UGT1A7: variants seen among roughly 807,000 people sequenced by gnomAD.
UGT1A7 encodes UDP glucuronosyltransferase family 1 member A7.
UGT1A7 carries 33 observed loss-of-function variants against 45.6 expected under a neutral mutation model. The observed-to-expected ratio is 0.72, with a 90% CI of 0.55 to 0.97. The LOEUF (loss-of-function observed/expected upper bound fraction) is 0.97, where lower values mean the gene tolerates loss of function less well. UGT1A7 is among the 50% of genes least tolerant of loss of function. The probability of loss-of-function intolerance (pLI) is 0.00; values close to 1 mark genes in which losing one functional copy is unlikely to be tolerated. For synonymous variants in UGT1A7, 274 were observed against 250.6 expected (o/e 1.09, Z -0.88); for missense variants, 684 against 666.2 (o/e 1.03, Z -0.29).
rs542225006 is a variant in UGT1A7 at position 233,769,560 on chromosome 2, G to A, written c.1295+1121G>A. 3.2e-5 allele frequency: 51 copies of A among 1,612,868 alleles called. No individual in the cohort carries two copies. The African/African-American group carries it at 6.7e-4, about 21-fold the overall frequency. The stretch of plus-strand genomic sequence containing the variant: ...AAGCAGCAGTCAGGAAGACAGATGT[G>A]AAGAGCTGGAGCATGTTCAGATGAG... On this transcript the variant is annotated intron_variant, in intron 4 of 4. Transcript: ENST00000373426. The surrounding 1 kb of genome is among the most constrained non-coding windows in gnomAD (Gnocchi z 4.4).
chr2:233,729,474 G>A, intron 1 of UGT1A7: 1 of 1,614,210 alleles, frequency 6.2e-7, no homozygotes. Context: ...GTATGGCAAT[G>A]TTGAACAATA....
chr2:233,763,660 ACTC>A (rs2126005319), intron 1 of UGT1A7, among the ~76,000 whole-genome samples: 1 of 152,174 alleles, frequency 6.6e-6, no homozygotes, highest in South Asian at 2.1e-4. Context: ...TCTTGATAAA[ACTC>A]CTGAACTTTA....
intron 1 of UGT1A7, among the ~76,000 whole-genome samples, chr2:233,731,819 C>T (rs1478115630): frequency 1.3e-5 from 2 of 152,132 alleles, no homozygotes; most frequent in Non-Finnish European, 2.9e-5. Context: ...ATGGCTGTGT[C>T]AAATGGTATT....
At chr2:233,717,182 C>A (rs1378916239) in intron 1 of UGT1A7, among the ~76,000 whole-genome samples, 1 of 152,140 alleles carries the variant, frequency 6.6e-6, no homozygotes, top group Non-Finnish European at 1.5e-5. Context: ...GCAAGAGCAC[C>A]CTCCCAGGCA....
At chr2:233,732,080 C>A (rs1261829762) in intron 1 of UGT1A7, among the ~76,000 whole-genome samples, 1 of 152,166 alleles carries the variant, frequency 6.6e-6, no homozygotes, top group Non-Finnish European at 1.5e-5. Context: ...GCATAAATGT[C>A]TTCTTTTGAG....
rs35915271 is a variant in UGT1A7 at position 233,764,965 on chromosome 2, A to T, written c.856-2069A>T. On this transcript the variant is annotated intron_variant, in intron 1 of 4. Coordinates refer to ENST00000373426, the MANE Select transcript of UGT1A7 (RefSeq NM_019077.3). ...GCGGGGAGAGAGGGCTCACCTTGGG[A>T]GAAGGATGGTCAGTGTCTGGGGCTT... Among the ~76,000 whole-genome samples the T allele has an allele frequency of 1.4e-3, 217 of 150,630 alleles. 1 individual carries two copies. The highest frequency in any genetic ancestry group is 5.0e-3 in the African/African-American group (206 of 40,976).
At chr2:233,685,469 C>T (rs1221613108) in intron 1 of UGT1A7, among the ~76,000 whole-genome samples, 1 of 152,188 alleles carries the variant, frequency 6.6e-6, no homozygotes, top group Admixed American at 6.5e-5. Context: ...GCCAGTGCAG[C>T]TCTGGAGAAC....
At chr2:233,765,565 G>A (rs1156273508) in intron 1 of UGT1A7, among the ~76,000 whole-genome samples, 1 of 152,072 alleles carries the variant, frequency 6.6e-6, no homozygotes, top group Non-Finnish European at 1.5e-5. Context: ...GTGAGAATGC[G>A]TAGACGCAGG....
intron 1 of UGT1A7, among the ~76,000 whole-genome samples, chr2:233,732,141 T>G (rs532123817): frequency 9.3e-4 from 141 of 151,992 alleles, no homozygotes; most frequent in African/African-American, 3.3e-3. Flanking sequence ...TGTTTGTTTG[T>G]TTTTTTTCTT....
chr2:233,720,045 G>A (rs577020263), intron 1 of UGT1A7, among the ~76,000 whole-genome samples: 1 of 152,284 alleles, frequency 6.6e-6, no homozygotes, highest in Admixed American at 6.5e-5. Context: ...ATTTTCAGCT[G>A]AACGGTGATG....
intron 1 of UGT1A7, chr2:233,760,833 G>A (rs777115864): frequency 5.0e-6 from 8 of 1,613,598 alleles, no homozygotes; most frequent in Admixed American, 1.7e-5. Flanking sequence ...TGGAATTTGA[G>A]GCTACCCAGT....
intron 1 of UGT1A7, chr2:233,730,029 G>A: frequency 6.2e-7 from 1 of 1,613,388 alleles, no homozygotes. Context: ...CAATGTTCCA[G>A]GCAAAACACT....
At chr2:233,719,477 C>T in intron 1 of UGT1A7, 5 of 1,613,988 alleles carry the variant, frequency 3.1e-6, no homozygotes, top group East Asian at 4.5e-5. Flanking sequence ...ACCCTCTGGC[C>T]CTGTCCTACA....
chr2:233,697,998 T>C (rs2075420632), intron 1 of UGT1A7, among the ~76,000 whole-genome samples: 1 of 152,132 alleles, frequency 6.6e-6, no homozygotes, highest in South Asian at 2.1e-4. Flanking sequence ...AAGGAAAAAA[T>C]ATCATTTCTG....
At chr2:233,693,725 G>C in intron 1 of UGT1A7, 1 of 1,614,208 alleles carries the variant, frequency 6.2e-7, no homozygotes, top group Non-Finnish European at 8.5e-7. Flanking sequence ...CAAGAGAGAT[G>C]TGGATATAAT....
intron 1 of UGT1A7, chr2:233,691,175 CT>C (rs2075031493): frequency 1.0e-6 from 1 of 985,574 alleles, no homozygotes; most frequent in South Asian, 4.7e-5. Flanking sequence ...TAATGTCTGC[CT>C]GCTCAAGAAG....
intron 1 of UGT1A7, among the ~76,000 whole-genome samples, chr2:233,716,209 T>C (rs1427806327): frequency 6.6e-6 from 1 of 152,234 alleles, no homozygotes; most frequent in Non-Finnish European, 1.5e-5. Flanking sequence ...TCTCTTTCAC[T>C]TGCAAGAGCC....
intron 1 of UGT1A7, chr2:233,692,753 T>G: frequency 8.8e-7 from 1 of 1,135,016 alleles, no homozygotes. Context: ...AGCAGACTTG[T>G]GGAGCTGAAG....
intron 1 of UGT1A7, among the ~76,000 whole-genome samples, chr2:233,705,044 G>A (rs570093956): frequency 6.6e-5 from 10 of 152,198 alleles, no homozygotes; most frequent in South Asian, 4.1e-4. Flanking sequence ...GCTGAGGCAG[G>A]AGAATTGCTT....
Sources: gnomAD v4.1 joint callset for allele counts (sites outside exome capture counted in the v4.1 genomes callset) on GRCh38, gnomAD v4.1.1 for gene constraint, Gnocchi (gnomAD v3.1) non-coding constraint, MANE v1.5 for transcripts, NCBI Gene and HGNC (gene_info 2026-07-23, HGNC 2026-07-21) for gene names.